Variants in PSD3 observed in about 807,000 individuals in gnomAD.
PSD3 encodes PH and SEC7 domain-containing protein 3.
Under a neutral mutation model 105.5 loss-of-function variants are expected in PSD3, and 49 were observed. That is an observed-to-expected ratio of 0.46 (90% confidence interval 0.37 to 0.59). The LOEUF (loss-of-function observed/expected upper bound fraction) is 0.59. PSD3 is among the 20% of genes least tolerant of loss of function. PSD3 has a pLI of 0.00. For synonymous variants in PSD3, 557 were observed against 457.8 expected (o/e 1.22, Z -2.77); for missense variants, 1,561 against 1,263.8 (o/e 1.24, Z -3.57).
chr8:18,758,969 T>C (rs373757641), intron 9 of PSD3, among the ~76,000 whole-genome samples: 2 of 152,196 alleles, frequency 1.3e-5, no homozygotes, highest in East Asian at 1.9e-4. Context: ...CAACAGACTA[T>C]GTAACAATTT....
chr8:18,827,255 C>T lies in PSD3; in HGVS notation c.1635-22357G>A, dbSNP rs934953089. ...CTAGTGCTTCAATGGGAAAAGGTTA[C>T]ACCACACACAACCCTGAACCAAAAT... On this transcript the variant is annotated intron_variant, in intron 4 of 15. Transcript: ENST00000327040. Among the ~76,000 whole-genome samples the T allele has an allele frequency of 5.3e-5, 8 of 152,164 alleles. No homozygotes were observed. The East Asian group carries it at 1.3e-3, about 26-fold the overall frequency.
chr8:18,611,255 A>G (rs1299651677), intron 11 of PSD3, among the ~76,000 whole-genome samples: 2 of 78,980 alleles, frequency 2.5e-5, no homozygotes, highest in Non-Finnish European at 5.9e-5. Context: ...ATTTTGGAAA[A>G]AAAAAAAAAA....
chr8:18,762,810 C>G, intron 9 of PSD3: 1 of 643,568 alleles, frequency 1.6e-6, no homozygotes, highest in Non-Finnish European at 2.2e-6. Context: ...TCATTTCTCA[C>G]ACATTTAAAT....
chr8:18,584,544 G>A (rs1004519100), intron 12 of PSD3, among the ~76,000 whole-genome samples: 15 of 152,190 alleles, frequency 9.9e-5, no homozygotes, highest in African/African-American at 3.6e-4. Flanking sequence ...CTATGAGATT[G>A]TGAAGCTCAG....
intron 3 of PSD3, among the ~76,000 whole-genome samples, chr8:18,869,186 C>T (rs1451104045): frequency 8.2e-6 from 1 of 122,258 alleles, no homozygotes; most frequent in East Asian, 2.2e-4. Flanking sequence ...CCCACTCTCC[C>T]CTGCTTTTTT....
chr8:19,071,732 A>G (rs62495957), intron 1 of PSD3, among the ~76,000 whole-genome samples: 42,530 of 146,560 alleles, frequency 0.29, 6,296 homozygotes, highest in South Asian at 0.38. Flanking sequence ...TCTTCTTTTT[A>G]TTTTTGAGAC....
intron 10 of PSD3, among the ~76,000 whole-genome samples, chr8:18,640,493 C>T (rs1025208813): frequency 6.6e-6 from 1 of 152,116 alleles, no homozygotes; most frequent in Admixed American, 6.5e-5. Context: ...ATTAAGTTCT[C>T]GTGAGATCTG....
chr8:18,871,813 A>C lies in PSD3; in HGVS notation c.1051T>G (p.Cys351Gly), dbSNP rs1817370188. 1 of 1,614,118 alleles carries C rather than the reference A, an allele frequency of 6.2e-7. No individual in the cohort carries two copies. The highest frequency in any genetic ancestry group is 1.1e-5 in the South Asian group (1 of 91,084). ...PRHLISSAGL[C>G]NSSSLTENVW... ...TTCTCAGTTAAACTACTTGAATTAC[A>C]CAAACCAGCTGATGAGATGAGATGG... Residue 351 changes from cysteine to glycine, a missense_variant, in exon 3 of 16, where the codon TGT (cysteine) becomes GGT (glycine). Transcript: ENST00000327040.
chr8:18,917,337 C>T (rs141044716), intron 2 of PSD3, among the ~76,000 whole-genome samples: 34 of 152,266 alleles, frequency 2.2e-4, no homozygotes, highest in African/African-American at 6.0e-4. Flanking sequence ...GCTAGGCACA[C>T]GGCCGCTGAA....
intron 2 of PSD3, among the ~76,000 whole-genome samples, chr8:18,922,620 A>T (rs1821094243): frequency 6.6e-6 from 1 of 152,100 alleles, no homozygotes; most frequent in South Asian, 2.1e-4. Context: ...ACAGTATTAG[A>T]TCCCACGGGT....
chr8:19,024,741 T>C (rs1174362035), intron 1 of PSD3, among the ~76,000 whole-genome samples: 7 of 151,900 alleles, frequency 4.6e-5, no homozygotes, highest in African/African-American at 1.7e-4. Context: ...CTATAGAAGG[T>C]CTTGAACTGG....
intron 10 of PSD3, among the ~76,000 whole-genome samples, chr8:18,640,924 C>T (rs950930672): frequency 6.6e-6 from 1 of 152,186 alleles, no homozygotes; most frequent in East Asian, 1.9e-4. Flanking sequence ...GGGCAGAGCT[C>T]ACCTCTGCTC....
intron 1 of PSD3, among the ~76,000 whole-genome samples, chr8:19,056,319 G>A (rs996061715): frequency 6.6e-6 from 1 of 152,180 alleles, no homozygotes; most frequent in Non-Finnish European, 1.5e-5. Context: ...GATCGAGCCA[G>A]TCAGAAACTG....
At position 18,528,154 on chromosome 8, in the gene PSD3, G is replaced by A. The variant is rs1799498736; in HGVS notation, c.*7589C>T. The A allele has an allele frequency of 6.6e-6, 1 of 152,168 alleles. No individual in the cohort carries two copies. The highest frequency in any genetic ancestry group is 6.5e-5 in the Admixed American group (1 of 15,270). The allele number at this position is 152,168 out of a possible 1,614,324, so 9.4% of individuals were successfully genotyped here. Reference sequence around the variant, plus strand: ...TCCGCTAGTGTACATTTAGAAATGGGTTCCTAAAGCTTGAGATATAAGAGA... The same window carrying A: ...TCCGCTAGTGTACATTTAGAAATGGATTCCTAAAGCTTGAGATATAAGAGA... On this transcript the variant is annotated 3_prime_UTR_variant, in exon 16 of 16. Transcript: ENST00000327040.
At chr8:18,628,874 A>C (rs886195439) in intron 11 of PSD3, among the ~76,000 whole-genome samples, 1 of 151,988 alleles carries the variant, frequency 6.6e-6, no homozygotes, top group Non-Finnish European at 1.5e-5. Flanking sequence ...ATAATCCTAC[A>C]CAAGAAAGGA....
chr8:18,977,530 G>A (rs535067042), intron 1 of PSD3, among the ~76,000 whole-genome samples: 1 of 152,028 alleles, frequency 6.6e-6, no homozygotes, highest in Non-Finnish European at 1.5e-5. Flanking sequence ...AGAGATAATG[G>A]GCCTTTTTAT....
chr8:18,718,616 G>A lies in PSD3; in HGVS notation c.2172+46833C>T, dbSNP rs28732368. ...AGAATATTAACAAAAAGTATCACAT[G>A]TATTCATGTATTAGCTGTGCTTTTG... On this transcript the variant is annotated intron_variant, in intron 9 of 15. Transcript: ENST00000327040. 9.2e-3 allele frequency among the ~76,000 whole-genome samples: 1,394 copies of A among 152,242 alleles called. 26 individuals carry two copies. The highest frequency in any genetic ancestry group is 0.032 in the African/African-American group (1,342 of 41,534).
intron 9 of PSD3, among the ~76,000 whole-genome samples, chr8:18,656,359 C>CTT (rs34369920): frequency 0.41 from 59,714 of 147,278 alleles, 12,337 homozygotes; most frequent in South Asian, 0.52. Flanking sequence ...TGTCTGGCTG[C>CTT]TTTTTTTTTT....
chr8:18,680,671 G>T (rs1800333992), intron 9 of PSD3, among the ~76,000 whole-genome samples: 1 of 152,084 alleles, frequency 6.6e-6, no homozygotes, highest in African/African-American at 2.4e-5. Flanking sequence ...TCTCTCTAGA[G>T]GAAATGGTAA....
Sources: gnomAD v4.1 joint callset for allele counts (sites outside exome capture counted in the v4.1 genomes callset) on GRCh38, gnomAD v4.1.1 for gene constraint, MANE v1.5 for transcripts, NCBI Gene and HGNC (gene_info 2026-07-23, HGNC 2026-07-21) for gene names.